MALRD1: variants seen among roughly 807,000 people sequenced by gnomAD.
The protein encoded by MALRD1 is MAM and LDL-receptor class A domain-containing protein 1.
In MALRD1, 247 loss-of-function variants were observed where a neutral mutation model predicts 242.1. The ratio of observed to expected loss-of-function variants is 1.02; its 90% CI spans 0.92 to 1.13. MALRD1 has a LOEUF of 1.13. Among genes scored for constraint, MALRD1 ranks in the 50% most tolerant of loss-of-function variants. The probability of loss-of-function intolerance (pLI) is 0.00; values close to 1 mark genes in which losing one functional copy is unlikely to be tolerated. For synonymous variants in MALRD1, 995 were observed against 866.6 expected (o/e 1.15, Z -2.60); for missense variants, 2,989 against 2,533.1 (o/e 1.18, Z -3.86).
intron 28 of MALRD1, among the ~76,000 whole-genome samples, chr10:19,393,469 C>T (rs1207365327): frequency 2.2e-5 from 3 of 137,106 alleles, no homozygotes; most frequent in Admixed American, 7.4e-5. Flanking sequence ...TTTTTGAGAC[C>T]GAGTCTCGCT....
At chr10:19,169,392 A>G (rs943578470) in intron 13 of MALRD1, among the ~76,000 whole-genome samples, 3 of 152,254 alleles carry the variant, frequency 2.0e-5, no homozygotes, top group African/African-American at 7.2e-5. Flanking sequence ...GTAATATTTA[A>G]TACATGAGTA....
intron 32 of MALRD1, among the ~76,000 whole-genome samples, chr10:19,537,934 T>C (rs1834763573): frequency 6.6e-6 from 1 of 152,194 alleles, no homozygotes; most frequent in South Asian, 2.1e-4. Flanking sequence ...GCAACAAAGA[T>C]GTGGCTTGAT....
chr10:19,679,904 T>C (rs1842296865), intron 36 of MALRD1, among the ~76,000 whole-genome samples: 1 of 152,194 alleles, frequency 6.6e-6, no homozygotes, highest in Non-Finnish European at 1.5e-5. Flanking sequence ...ATTTAATTAT[T>C]TACCCAGGAA....
intron 24 of MALRD1, among the ~76,000 whole-genome samples, chr10:19,342,021 G>A (rs1215954670): frequency 1.3e-5 from 2 of 152,060 alleles, no homozygotes; most frequent in Non-Finnish European, 2.9e-5. Context: ...TAATTTCCAA[G>A]TAAACTGATG....
intron 1 of MALRD1, among the ~76,000 whole-genome samples, chr10:19,058,268 C>A (rs1834725137): frequency 6.6e-6 from 1 of 152,150 alleles, no homozygotes; most frequent in Admixed American, 6.5e-5. Context: ...ACCACCATAC[C>A]ATGCTGTTTT....
chr10:19,162,230 G>A (rs1834461749), intron 12 of MALRD1, among the ~76,000 whole-genome samples: 1 of 151,908 alleles, frequency 6.6e-6, no homozygotes, highest in Non-Finnish European at 1.5e-5. Flanking sequence ...GGTCCCTAAG[G>A]ACCTGTAATG....
chr10:19,576,023 A>G (rs899510325), intron 33 of MALRD1, among the ~76,000 whole-genome samples: 1 of 152,252 alleles, frequency 6.6e-6, no homozygotes, highest in Non-Finnish European at 1.5e-5. Flanking sequence ...AGTTGGGCTA[A>G]CTTAAGCAAA....
At chr10:19,088,572 TA>T (rs745531493) in intron 4 of MALRD1, among the ~76,000 whole-genome samples, 36,930 of 105,800 alleles carry the variant, frequency 0.35, 6,278 homozygotes, top group Admixed American at 0.39. Context: ...AGTTTTTTTT[TA>T]TTTATTTATT....
intron 9 of MALRD1, 39 bp from the exon 10 acceptor site, chr10:19,136,535 A>C: frequency 8.9e-7 from 1 of 1,124,196 alleles, no homozygotes; most frequent in African/African-American, 1.6e-5. Context: ...CTTATTAAGG[A>C]GATTGCAAAC....
At chr10:19,512,752 A>C (rs1820988569) in intron 31 of MALRD1, among the ~76,000 whole-genome samples, 1 of 152,162 alleles carries the variant, frequency 6.6e-6, no homozygotes, top group Middle Eastern at 3.2e-3. Flanking sequence ...GTCTTCCCAG[A>C]ATTATGGATT....
At chr10:19,529,547 G>GT (rs1206328530) in intron 31 of MALRD1, among the ~76,000 whole-genome samples, 22 of 4,642 alleles carry the variant, frequency 4.7e-3, no homozygotes, top group South Asian at 0.021. Context: ...AAAAACAGGA[G>GT]GGGGGGGGAG....
chr10:19,250,383 A>G (rs1468245078), intron 18 of MALRD1, among the ~76,000 whole-genome samples: 6 of 151,990 alleles, frequency 3.9e-5, no homozygotes, highest in Non-Finnish European at 8.8e-5. Flanking sequence ...TAGGATTTGG[A>G]AAAACTGGGA....
chr10:19,413,563 GA>G lies in MALRD1; in HGVS notation c.4845+23963del, dbSNP rs35885572. ...TTTAGATTACTTCTCTTTTAATCAT[GA>G]AAAAAAAAGGATTTTAGGACAATTT... On this transcript the variant is annotated intron_variant, in intron 28 of 39. Transcript: ENST00000454679. Among the ~76,000 whole-genome samples, 259 of 150,642 alleles carry G rather than the reference GA, an allele frequency of 1.7e-3. 1 individual carries two copies. The highest frequency in any genetic ancestry group is 5.5e-3 in the African/African-American group (227 of 41,138).
intron 24 of MALRD1, among the ~76,000 whole-genome samples, chr10:19,341,484 G>GTA (rs35757112): frequency 6.9e-6 from 1 of 144,398 alleles, no homozygotes; most frequent in East Asian, 2.0e-4. Flanking sequence ...ATATATATGT[G>GTA]TATATATATG....
At chr10:19,155,767 C>T (rs1834120498) in intron 12 of MALRD1, among the ~76,000 whole-genome samples, 1 of 152,052 alleles carries the variant, frequency 6.6e-6, no homozygotes, top group Non-Finnish European at 1.5e-5. Context: ...CATTAAATGT[C>T]AGCATTTACA....
intron 23 of MALRD1, among the ~76,000 whole-genome samples, chr10:19,329,591 G>A (rs2130915238): frequency 6.6e-6 from 1 of 152,032 alleles, no homozygotes; most frequent in East Asian, 1.9e-4. Flanking sequence ...TTATAAATTA[G>A]AATACAGAAA....
At chr10:19,528,637 T>C (rs1233733288) in intron 31 of MALRD1, among the ~76,000 whole-genome samples, 2 of 152,134 alleles carry the variant, frequency 1.3e-5, no homozygotes, top group Non-Finnish European at 1.5e-5. Context: ...AATTTTCTTA[T>C]TTTGGCAGCC....
At chr10:19,446,271 C>T (rs978566489) in intron 28 of MALRD1, among the ~76,000 whole-genome samples, 1 of 152,140 alleles carries the variant, frequency 6.6e-6, no homozygotes, top group Admixed American at 6.6e-5. Flanking sequence ...TCAGCTTACA[C>T]TCTGTGGGCT....
chr10:19,151,680 A>G (rs1263175659), intron 11 of MALRD1, among the ~76,000 whole-genome samples: 2 of 152,182 alleles, frequency 1.3e-5, no homozygotes, highest in Non-Finnish European at 2.9e-5. Context: ...TTTATCAGAT[A>G]AAAATGTTCC....
Sources: gnomAD v4.1 joint callset for allele counts (sites outside exome capture counted in the v4.1 genomes callset) on GRCh38, gnomAD v4.1.1 for gene constraint, MANE v1.5 for transcripts, NCBI Gene and HGNC (gene_info 2026-07-23, HGNC 2026-07-21) for gene names.